Variants in PHF8 observed in about 807,000 individuals in gnomAD.
PHF8 encodes the protein PHD finger protein 8, also known as histone lysine demethylase PHF8.
A neutral mutation model predicts 74.4 loss-of-function variants in PHF8; 9 were observed. The observed-to-expected ratio is 0.12, with a 90% CI of 0.07 to 0.21. PHF8 has a LOEUF of 0.21. Among genes scored for constraint, PHF8 ranks in the 10% least tolerant of loss-of-function variants. The pLI is 1.00. For synonymous variants in PHF8, 311 were observed against 316.6 expected, an observed-to-expected ratio of 0.98 and a Z score of 0.19; for missense variants, 478 against 816.6, an observed-to-expected ratio of 0.59 and a Z score of 5.05.
Position 53,995,794 on chromosome X carries a change from G to A in PHF8, c.1234-12C>T. 9.2e-7 allele frequency: 1 copy of A among 1,090,602 alleles called. No homozygotes were observed. The highest frequency in any genetic ancestry group is 1.3e-6 in the Non-Finnish European group (1 of 787,646). The allele number at this position is 1,090,602 out of a possible 1,213,427, so 89.9% of individuals were successfully genotyped here. A position where few individuals can be genotyped will look rare whatever the true frequency, so the allele number is the denominator to read the frequency against. The stretch of plus-strand genomic sequence containing the variant: ...TGGTCTGGCAGAGCCTGTCAAACAA[G>A]AGGCATGAGGAATAAACCCACACAT... On this transcript the variant is annotated splice_polypyrimidine_tract_variant and intron_variant, in intron 11 of 21. Coordinates refer to ENST00000338154, the MANE Select transcript of PHF8 (RefSeq NM_015107.3).
chrX:54,025,463 C>T (rs1182203897), intron 2 of PHF8, among the ~76,000 whole-genome samples: 4 of 110,092 alleles, frequency 3.6e-5, no homozygotes, highest in Non-Finnish European at 7.6e-5. Flanking sequence ...CATACCACTT[C>T]CTACTCCTCT....
At chrX:54,025,781 A>G (rs1418036955) in intron 2 of PHF8, among the ~76,000 whole-genome samples, 3 of 111,362 alleles carry the variant, frequency 2.7e-5, no homozygotes, top group African/African-American at 9.8e-5. Context: ...TCCAGCTCTC[A>G]TTCACTACAA....
chrX:54,035,499 G>C (rs1437512340), intron 2 of PHF8, among the ~76,000 whole-genome samples: 1 of 109,132 alleles, frequency 9.2e-6, no homozygotes, highest in Admixed American at 9.7e-5. Flanking sequence ...GAGATAACTC[G>C]GGCCAAGAGC....
Position 53,938,876 on chromosome X carries a change from G to C in PHF8, c.*282C>G. ...ATAAAGAACAGACAAGGCAGGTGAC[G>C]GGAGTGGTTTGGACGAGTAGAAAAG... is the stretch of plus-strand genomic sequence containing the variant. On this transcript the variant is annotated 3_prime_UTR_variant, in exon 22 of 22. Coordinates refer to ENST00000338154, the MANE Select transcript of PHF8 (RefSeq NM_015107.3). 4.4e-6 allele frequency: 4 copies of C among 905,139 alleles called. No homozygotes were observed. The highest frequency in any genetic ancestry group is 5.4e-6 in the Non-Finnish European group (4 of 734,528). The allele number at this position is 905,139 out of a possible 1,213,427, so 74.6% of individuals were successfully genotyped here. A position where few individuals can be genotyped will look rare whatever the true frequency, so the allele number is the denominator to read the frequency against.
At chrX:54,044,646 C>T (rs971141994), upstream of PHF8, among the ~76,000 whole-genome samples, 6 of 112,921 alleles carry the variant, frequency 5.3e-5, no homozygotes, top group Admixed American at 9.3e-5. Context: ...GCGGAGAAGC[C>T]GCCATCTTAG....
intron 18 of PHF8, among the ~76,000 whole-genome samples, chrX:53,981,643 G>A (rs2065481273): frequency 1.8e-5 from 2 of 111,785 alleles, no homozygotes; most frequent in Non-Finnish European, 3.8e-5. Flanking sequence ...GAAAGAGGAA[G>A]TCTGAGTCCA....
At chrX:53,945,344 C>CAA (rs1286849781) in intron 19 of PHF8, among the ~76,000 whole-genome samples, 3 of 64,858 alleles carry the variant, frequency 4.6e-5, no homozygotes, top group Non-Finnish European at 8.9e-5. Context: ...GACTCCATCT[C>CAA]AAAAAAAAAA....
chrX:53,942,628 A>T (rs1447057735), intron 20 of PHF8: 1 of 667,439 alleles, frequency 1.5e-6, no homozygotes, highest in African/African-American at 2.5e-5. Flanking sequence ...AAGTATTCAT[A>T]GTTTAATAAG....
At chrX:54,013,931 A>G (rs1320845679) in intron 7 of PHF8, among the ~76,000 whole-genome samples, 1 of 111,592 alleles carries the variant, frequency 9.0e-6, no homozygotes, top group Non-Finnish European at 1.9e-5. Flanking sequence ...ATTATTCAAA[A>G]ACGTTTGATT....
chrX:53,942,137 G>A (rs1362356013), intron 20 of PHF8, among the ~76,000 whole-genome samples: 2 of 111,658 alleles, frequency 1.8e-5, no homozygotes, highest in Admixed American at 9.6e-5. Flanking sequence ...TGCCAATCCC[G>A]TTGCTCAAAA....
chrX:54,005,968 T>C (rs1442020685), intron 8 of PHF8, among the ~76,000 whole-genome samples: 1 of 112,167 alleles, frequency 8.9e-6, no homozygotes, highest in Non-Finnish European at 1.9e-5. Context: ...TTTCCTTCTC[T>C]TGAGTTTTCT....
rs140189773 is a variant in PHF8 at position 54,012,757 on chromosome X, G to A, written c.784-1473C>T. ...TTGAGACCAGCCTGGGCAACATAGT[G>A]AGAGCTAGTCTCTACAAAAATAATT... On this transcript the variant is annotated intron_variant, in intron 7 of 21. Transcript: ENST00000338154. 8.6e-3 allele frequency among the ~76,000 whole-genome samples: 953 copies of A among 110,825 alleles called. 7 individuals carry two copies. The highest frequency in any genetic ancestry group is 0.03 in the African/African-American group (928 of 30,493).
intron 13 of PHF8, 116 bp from the exon 14 acceptor site, chrX:53,992,955 CCTT>C (rs1341107744): frequency 1.9e-6 from 1 of 529,526 alleles, no homozygotes; most frequent in African/African-American, 2.3e-5. Flanking sequence ...TGAGCCAAGG[CCTT>C]CTGCTATACT....
chrX:54,016,948 GAC>G (rs2066081268), intron 5 of PHF8, among the ~76,000 whole-genome samples: 1 of 112,325 alleles, frequency 8.9e-6, no homozygotes, highest in Admixed American at 9.5e-5. Flanking sequence ...GGAACTACCA[GAC>G]ACACAGCCTC....
At chrX:54,043,387 G>A (rs1557116549) in intron 1 of PHF8, among the ~76,000 whole-genome samples, 1 of 110,773 alleles carries the variant, frequency 9.0e-6, no homozygotes. Context: ...GGTCGTGTTC[G>A]GAGAGTTTAA....
chrX:53,961,909 A>G (rs1409821675), intron 19 of PHF8, among the ~76,000 whole-genome samples: 1 of 111,817 alleles, frequency 8.9e-6, no homozygotes, highest in African/African-American at 3.2e-5. Flanking sequence ...AAAAGGTGCA[A>G]TCTATTTCCC....
At chrX:53,942,136 C>T (rs1216305560) in intron 20 of PHF8, among the ~76,000 whole-genome samples, 3 of 111,937 alleles carry the variant, frequency 2.7e-5, no homozygotes, top group East Asian at 2.8e-4. Flanking sequence ...TTGCCAATCC[C>T]GTTGCTCAAA....
intron 16 of PHF8, among the ~76,000 whole-genome samples, 170 bp from the exon 17 acceptor site, chrX:53,986,119 G>A (rs1276306444): frequency 2.7e-5 from 3 of 112,596 alleles, no homozygotes; most frequent in African/African-American, 9.7e-5. Context: ...GCATCTTTGT[G>A]AGCTAGGTAG....
At chrX:53,955,796 A>G (rs1394536957) in intron 19 of PHF8, among the ~76,000 whole-genome samples, 2 of 110,389 alleles carry the variant, frequency 1.8e-5, no homozygotes, top group Non-Finnish European at 3.8e-5. Flanking sequence ...CATTTACATA[A>G]AATTTCAATA....
Sources: gnomAD v4.1 joint callset for allele counts (sites outside exome capture counted in the v4.1 genomes callset) on GRCh38, gnomAD v4.1.1 for gene constraint, MANE v1.5 for transcripts, NCBI Gene and HGNC (gene_info 2026-07-23, HGNC 2026-07-21) for gene names.